ADGRL2: variants seen among roughly 807,000 people sequenced by gnomAD.
ADGRL2 encodes the protein adhesion G protein-coupled receptor L2.
ADGRL2 carries 44 observed loss-of-function variants against 157.4 expected under a neutral mutation model. That is an observed-to-expected ratio of 0.28 (90% confidence interval 0.22 to 0.36). The LOEUF (loss-of-function observed/expected upper bound fraction) is 0.36, where lower values mean the gene tolerates loss of function less well. ADGRL2 is among the 10% of genes least tolerant of loss of function. ADGRL2 has a pLI of 1.00. For synonymous variants in ADGRL2, 585 were observed against 624.7 expected (o/e 0.94, Z 0.95); for missense variants, 1,510 against 1,768.9 (o/e 0.85, Z 2.63).
At position 81,342,679 on chromosome 1, in the gene ADGRL2, T is replaced by C. The variant is rs1662160815; in HGVS notation, c.-302+36170T>C. The stretch of plus-strand genomic sequence containing the variant: ...AAGTAACTTATTTTTCTTAATTTAG[T>C]TATTAATACACATATTAAGTATCTT... On this transcript the variant is annotated intron_variant, in intron 1 of 24. Coordinates refer to the ADGRL2 transcript ENST00000370721. Among the ~76,000 whole-genome samples the C allele has an allele frequency of 2.0e-5, 3 of 152,198 alleles. No homozygotes were observed. In the South Asian group the frequency reaches 6.2e-4, roughly 32 times the overall value.
intron 2 of ADGRL2, among the ~76,000 whole-genome samples, chr1:81,578,660 T>C (rs1246107693): frequency 6.6e-6 from 1 of 152,122 alleles, no homozygotes; most frequent in Non-Finnish European, 1.5e-5. Context: ...ATAAGAATGA[T>C]AGTATTTAAA....
At chr1:81,596,557 C>CG in intron 3 of ADGRL2, 1 of 306,640 alleles carries the variant, frequency 3.3e-6, no homozygotes, top group South Asian at 3.3e-5. Flanking sequence ...GAGCGAACAG[C>CG]GGTGAGTCAG....
At chr1:81,879,821 G>C (rs2151186216) in intron 2 of ADGRL2, among the ~76,000 whole-genome samples, 1 of 152,224 alleles carries the variant, frequency 6.6e-6, no homozygotes, top group Admixed American at 6.5e-5. Context: ...GAGGCCAGGA[G>C]TTTGAGACCA....
intron 2 of ADGRL2, among the ~76,000 whole-genome samples, chr1:81,453,872 A>G (rs1019334739): frequency 6.6e-6 from 1 of 152,190 alleles, no homozygotes; most frequent in Non-Finnish European, 1.5e-5. Context: ...GGAGAAAACC[A>G]AAATGAGCTT....
chr1:81,374,578 G>GAAAAAAAAAAAAACAA (rs71242588), intron 1 of ADGRL2, among the ~76,000 whole-genome samples: 6 of 130,256 alleles, frequency 4.6e-5, no homozygotes, highest in Admixed American at 1.6e-4. Flanking sequence ...TCTCAAAAAA[G>GAAAAAAAAAAAAACAA]AAAAAAAAAA....
chr1:81,666,543 T>C (rs2082753881), intron 3 of ADGRL2, among the ~76,000 whole-genome samples: 1 of 152,206 alleles, frequency 6.6e-6, no homozygotes, highest in Admixed American at 6.6e-5. Context: ...CCCGCAGGCA[T>C]CTCTGTACTG....
chr1:81,911,910 G>A (rs1319479816), intron 3 of ADGRL2, among the ~76,000 whole-genome samples: 3 of 139,480 alleles, frequency 2.2e-5, no homozygotes, highest in African/African-American at 8.1e-5. Context: ...GGGATGGATT[G>A]AAATTGCCCA....
At position 81,321,961 on chromosome 1, in the gene ADGRL2, C is replaced by T. The variant is rs143257332; in HGVS notation, c.-302+15452C>T. ...TGTGTACATTATTTAGACCACCACTCTTACTAACATTTTTAAAAGCAAATG... is the reference window on the plus strand; with the variant it reads ...TGTGTACATTATTTAGACCACCACTTTTACTAACATTTTTAAAAGCAAATG... On this transcript the variant is annotated intron_variant, in intron 1 of 24. Coordinates refer to the ADGRL2 transcript ENST00000370721. Among the ~76,000 whole-genome samples, 372 of 151,866 alleles carry T rather than the reference C, an allele frequency of 2.4e-3. 2 individuals are homozygous for T. Among genetic ancestry groups the T allele is most frequent in the African/African-American group, 8.5e-3 (352 of 41,438 alleles).
intron 3 of ADGRL2, chr1:81,596,225 A>G: frequency 1.7e-6 from 1 of 577,272 alleles, no homozygotes. Flanking sequence ...CAATCTCAAA[A>G]GGACTGTGCA....
At chr1:81,834,047 T>TG (rs1203879562) in intron 1 of ADGRL2, among the ~76,000 whole-genome samples, 1 of 152,120 alleles carries the variant, frequency 6.6e-6, no homozygotes, top group Non-Finnish European at 1.5e-5. Flanking sequence ...AGAAGTGGTT[T>TG]GGATTTTTGA....
At chr1:81,509,075 T>C (rs1464884194) in intron 2 of ADGRL2, among the ~76,000 whole-genome samples, 1 of 152,186 alleles carries the variant, frequency 6.6e-6, no homozygotes, top group Non-Finnish European at 1.5e-5. Flanking sequence ...TCATCCTTCC[T>C]TTCAACCACT....
intron 1 of ADGRL2, among the ~76,000 whole-genome samples, chr1:81,806,294 C>A (rs1242007964): frequency 1.3e-5 from 2 of 152,030 alleles, no homozygotes; most frequent in African/African-American, 2.4e-5. Context: ...ATACAGATCT[C>A]ACATGCAGTA....
intron 2 of ADGRL2, among the ~76,000 whole-genome samples, chr1:81,480,677 C>T (rs937059696): frequency 3.3e-5 from 5 of 152,152 alleles, no homozygotes; most frequent in Non-Finnish European, 7.4e-5. Context: ...AGCTAGCATT[C>T]ACTTATATAA....
chr1:81,975,964 A>G (rs1482001868), intron 17 of ADGRL2, among the ~76,000 whole-genome samples: 1 of 152,086 alleles, frequency 6.6e-6, no homozygotes, highest in African/African-American at 2.4e-5. Context: ...TGCAGCAACA[A>G]TATTTATTCT....
intron 1 of ADGRL2, among the ~76,000 whole-genome samples, chr1:81,387,398 C>A (rs1044397868): frequency 2.0e-5 from 3 of 152,024 alleles, no homozygotes; most frequent in African/African-American, 4.8e-5. Flanking sequence ...TATATAAATG[C>A]TGAATTGCCC....
rs1295902280 is a variant in ADGRL2, at chr1:81,803,077, G to A, written c.-101+2009G>A. ...CGTTGGGCCTGCGGGAGAAGTTACG[G>A]AGTGTATGCTGCTGGAGTGGCTGTG... On this transcript the variant is annotated intron_variant, in intron 1 of 23. Transcript: ENST00000686636. Among the ~76,000 whole-genome samples, 4 of 152,248 alleles carry A rather than the reference G, an allele frequency of 2.6e-5. No homozygotes were observed. In the East Asian group the frequency reaches 7.8e-4, roughly 30 times the overall value.
chr1:81,491,111 A>T (rs1570263746), intron 2 of ADGRL2, among the ~76,000 whole-genome samples: 1 of 152,186 alleles, frequency 6.6e-6, no homozygotes. Flanking sequence ...CCCCCTTGAG[A>T]ATAACTTCTC....
rs187094936 is a variant in ADGRL2, at chr1:81,549,680, A to C, written c.-247-31196A>C. Among the ~76,000 whole-genome samples the C allele has an allele frequency of 2.2e-3, 340 of 152,350 alleles. 2 individuals carry two copies. Among genetic ancestry groups the C allele is most frequent in the African/African-American group, 7.6e-3 (318 of 41,592 alleles). Reference sequence around the variant, plus strand: ...TTAGGAGAGAGCTAAGGGAGAAAGCATAACATGTAAACAAGATCACGGGAT... The same window carrying C: ...TTAGGAGAGAGCTAAGGGAGAAAGCCTAACATGTAAACAAGATCACGGGAT... On this transcript the variant is annotated intron_variant, in intron 2 of 24. Transcript: ENST00000370721.
At chr1:81,750,695 C>G (rs2085461000) in intron 1 of ADGRL2, among the ~76,000 whole-genome samples, 1 of 151,818 alleles carries the variant, frequency 6.6e-6, no homozygotes, top group Non-Finnish European at 1.5e-5. Flanking sequence ...CTAGCCTGGG[C>G]AACAGAGCAA....
Sources: gnomAD v4.1 joint callset for allele counts (sites outside exome capture counted in the v4.1 genomes callset) on GRCh38, gnomAD v4.1.1 for gene constraint, MANE v1.5 for transcripts, NCBI Gene and HGNC (gene_info 2026-07-23, HGNC 2026-07-21) for gene names.